MAN2C1: variants seen among roughly 807,000 people sequenced by gnomAD.
MAN2C1 encodes the protein mannosidase alpha class 2C member 1.
A neutral mutation model predicts 126.9 loss-of-function variants in MAN2C1; 111 were observed. That is an observed-to-expected ratio of 0.87 (90% CI 0.75 to 1.02). The LOEUF (loss-of-function observed/expected upper bound fraction) is 1.02. Among genes scored for constraint, MAN2C1 ranks in the 50% least tolerant of loss-of-function variants. MAN2C1 has a pLI of 0.00. For synonymous variants in MAN2C1, 567 were observed against 561.5 expected (o/e 1.01, Z -0.14); for missense variants, 1,363 against 1,364.4 (o/e 1.00, Z 0.02).
In MAN2C1 at chr15:75,360,085, C is replaced by G; in HGVS notation, c.1706+5G>C. 1 of 1,613,984 alleles carries G rather than the reference C, an allele frequency of 6.2e-7. No homozygotes were observed. Among genetic ancestry groups the G allele is most frequent in the Non-Finnish European group, 8.5e-7 (1 of 1,180,004 alleles). ...GGTGGATGGCAGGGACAGAACTGGG[C>G]TGACCTCCAGAGGTGCTGCAGCTGG... On this transcript the variant is annotated splice_donor_5th_base_variant and intron_variant, in intron 14 of 25. Transcript: ENST00000267978.
chr15:75,362,691 G>A lies in MAN2C1; in HGVS notation c.848C>T (p.Ala283Val), dbSNP rs753112818. ...AGGGTTCCGCTCCATGAGCTGCAGG[G>A]CGGTCACCCAGCTCCGGGCACATTT... ...VRKCARSWVTALQLMERNPEF... is the reference protein window; with the variant it reads ...VRKCARSWVTVLQLMERNPEF... Residue 283 changes from alanine (A) to valine (V), a missense_variant, in exon 7 of 26, where the codon GCC (alanine) becomes GTC (valine). Physicochemically the swap from Ala to Val is moderately conservative, Grantham distance 64. Around this residue, in one of 3 missense-constraint regions of MAN2C1, gnomAD observed 628 missense variants for 609.8 expected, o/e 1.03. Transcript: ENST00000267978. This position sits in a 1 kb window ranked among gnomAD's most constrained non-coding sequence, Gnocchi z 4.5. The A allele has an allele frequency of 7.4e-6, 12 of 1,614,028 alleles. No individual in the cohort carries two copies. The highest frequency in any genetic ancestry group is 2.5e-6 in the Non-Finnish European group (3 of 1,180,016).
rs934388260 is a variant in MAN2C1 at position 75,358,137 on chromosome 15, CCA to C, written c.2547+62_2547+63del. 6 of 1,587,450 alleles carry C rather than the reference CCA, an allele frequency of 3.8e-6. No individual in the cohort carries two copies. The African/African-American group carries it at 8.1e-5, about 21-fold the overall frequency. ...TTATCCTCTTCCTCCCCAGCCTGTT[CCA>C]CACAAGCAGTCTCCCCAGCCAGGGA... On this transcript the variant is annotated intron_variant, in intron 21 of 25. Coordinates refer to ENST00000267978, the MANE Select transcript of MAN2C1 (RefSeq NM_006715.4).
In MAN2C1 at chr15:75,363,939, C is replaced by T. The variant is rs913927900; in HGVS notation, c.790+60G>A. On this transcript the variant is annotated intron_variant, in intron 6 of 25. Transcript: ENST00000267978. ...AGCATCACACAGTGCTTCTAGGGCA[C>T]ATCCAGGTCTTCAAGGGCACTCCTG... is the stretch of plus-strand genomic sequence containing the variant. The T allele has an allele frequency of 2.5e-6, 4 of 1,575,218 alleles. No homozygotes were observed. In the African/African-American group the frequency reaches 5.4e-5, roughly 21 times the overall value.
At chr15:75,365,141 T>C (rs1162574351) in intron 4 of MAN2C1, among the ~76,000 whole-genome samples, 2 of 152,196 alleles carry the variant, frequency 1.3e-5, no homozygotes, top group Non-Finnish European at 2.9e-5. Flanking sequence ...AGGGAGGCCT[T>C]CCTGACTCCA....
intron 4 of MAN2C1, among the ~76,000 whole-genome samples, chr15:75,364,936 T>C (rs1181041591): frequency 6.6e-6 from 1 of 152,236 alleles, no homozygotes; most frequent in East Asian, 1.9e-4. Flanking sequence ...ATTTCCAAAG[T>C]TGTCTTTGCA....
In MAN2C1 at chr15:75,364,183, G is replaced by A. The variant is rs775177389; in HGVS notation, c.606C>T (p.Leu202=). 104 of 1,609,426 alleles carry A rather than the reference G, an allele frequency of 6.5e-5. 1 individual carries two copies. The highest frequency in any genetic ancestry group is 2.1e-4 in the South Asian group (19 of 90,910). The change falls in exon 6 of 26, where the codon CTC becomes CTT. Residue 202 remains leucine, a synonymous_variant. Transcript: ENST00000267978. ...GGAAGCTGCGCTGGTTGTCCTTCCC[G>A]AGGCCCTGCAGCAGGGTTCTGCCCC... ...LELLLGIAKG[L]GKDNQRSFQA...
In MAN2C1 at chr15:75,358,271, T is replaced by C. The variant is rs376142400; in HGVS notation, c.2477A>G (p.Tyr826Cys). The C allele has an allele frequency of 1.1e-5, 18 of 1,614,032 alleles. No homozygotes were observed. Among genetic ancestry groups the C allele is most frequent in the Admixed American group, 1.0e-4 (6 of 59,992 alleles). Residue 826 changes from tyrosine (Y) to cysteine (C), a missense_variant, in exon 21 of 26, where the codon TAT becomes TGT. By Grantham distance (194) the Tyr-to-Cys change is radical. Coordinates refer to ENST00000267978, the MANE Select transcript of MAN2C1 (RefSeq NM_006715.4). ...CTGCAGGTGCCCAAACTGGATCTCATAGGTGGCCTGGGAACTCCGCACGCG... is the reference window on the plus strand; with the variant it reads ...CTGCAGGTGCCCAAACTGGATCTCACAGGTGGCCTGGGAACTCCGCACGCG... ...PARVRSSQAT[Y>C]EIQFGHLQRP...
At chr15:75,367,874 C>T in intron 2 of MAN2C1, 199 bp downstream of exon 2, 2 of 898,910 alleles carry the variant, frequency 2.2e-6, no homozygotes, top group Admixed American at 2.9e-5. Flanking sequence ...GAGGCGGCCA[C>T]GTGGGAATGA....
rs1595876744 is a variant in MAN2C1, at chr15:75,360,767, C to T, written c.1461-79G>A. 15 of 1,558,290 alleles carry T rather than the reference C, an allele frequency of 9.6e-6. No individual in the cohort carries two copies. The East Asian group carries it at 1.3e-4, about 14-fold the overall frequency. ...CTTCTTCCACACCAAAGCAAAGGATCCAGCTCCTACAGAGAGGAGCCACTC... is the reference window on the plus strand; with the variant it reads ...CTTCTTCCACACCAAAGCAAAGGATTCAGCTCCTACAGAGAGGAGCCACTC... On this transcript the variant is annotated intron_variant, in intron 12 of 25. Transcript: ENST00000267978.
Position 75,358,342 on chromosome 15 carries a change from T to C in MAN2C1, c.2406A>G (p.Val802=), listed in dbSNP as rs377537571. 4 of 1,613,974 alleles carry C rather than the reference T, an allele frequency of 2.5e-6. No homozygotes were observed. In the African/African-American group the frequency reaches 5.3e-5, roughly 22 times the overall value. The change falls in exon 21 of 26, where the codon GTA becomes GTG. Residue 802 remains valine (V), a splice_region_variant and synonymous_variant. Transcript: ENST00000267978. ...GCPYVRFHTE[V]HWHEAHKFLK... is the part of the protein sequence containing the mutation. ...GGAACTTGTGGGCCTCATGCCAGTG[T>C]ACCTGGGAGTGGGAAGGAGGGTGGG...
rs2072382363 is a variant in MAN2C1, at chr15:75,358,328, G to A, written c.2420C>T (p.Ala807Val). Reference sequence around the variant, plus strand: ...GAACTCCACCTTCAGGAACTTGTGGGCCTCATGCCAGTGTACCTGGGAGTG... The same window carrying A: ...GAACTCCACCTTCAGGAACTTGTGGACCTCATGCCAGTGTACCTGGGAGTG... ...RFHTEVHWHE[A>V]HKFLKVEFPA... Residue 807 changes from alanine (A) to valine (V), a missense_variant, in exon 21 of 26, where the codon GCC becomes GTC. By Grantham distance (64) the Ala-to-Val change is moderately conservative. Coordinates refer to ENST00000267978, the MANE Select transcript of MAN2C1 (RefSeq NM_006715.4). 6.2e-7 allele frequency: 1 copy of A among 1,614,180 alleles called. No homozygotes were observed. Among genetic ancestry groups the A allele is most frequent in the Non-Finnish European group, 8.5e-7 (1 of 1,180,046 alleles).
chr15:75,362,510 G>T lies in MAN2C1; in HGVS notation c.898-57C>A. Reference sequence around the variant, plus strand: ...AGTGACAAGGGCCCCACCCAGGACTGAGCATATGGGACTCAGTGTGTGGCT... The same window carrying T: ...AGTGACAAGGGCCCCACCCAGGACTTAGCATATGGGACTCAGTGTGTGGCT... On this transcript the variant is annotated intron_variant, in intron 7 of 25. Transcript: ENST00000267978. The surrounding 1 kb of genome is among the most constrained non-coding windows in gnomAD (Gnocchi z 4.5). 1 of 1,533,612 alleles carries T rather than the reference G, an allele frequency of 6.5e-7. No individual in the cohort carries two copies. Among genetic ancestry groups the T allele is most frequent in the South Asian group, 1.2e-5 (1 of 86,138 alleles).
intron 1 of MAN2C1, 64 bp from the exon 2 acceptor site, chr15:75,368,262 G>A (rs1329743071): frequency 6.5e-7 from 1 of 1,532,668 alleles, no homozygotes; most frequent in Admixed American, 2.0e-5. Flanking sequence ...GGGGCCAGCT[G>A]GCCGGTGGGG....
In MAN2C1 at chr15:75,368,060, G is replaced by A; in HGVS notation, c.227+13C>T. On this transcript the variant is annotated intron_variant, in intron 2 of 25. Transcript: ENST00000267978. ...AGGCCTGTGGCCCCGCCCACCCGCT[G>A]GGCGTTACCTACGTGGGTCCGAAGC... 1 of 1,600,436 alleles carries A rather than the reference G, an allele frequency of 6.2e-7. No homozygotes were observed. Among genetic ancestry groups the A allele is most frequent in the Non-Finnish European group, 8.5e-7 (1 of 1,175,218 alleles).
chr15:75,368,164 A>G lies in MAN2C1; in HGVS notation c.136T>C (p.Ser46Pro). 2 of 1,604,674 alleles carry G rather than the reference A, an allele frequency of 1.2e-6. No homozygotes were observed. The highest frequency in any genetic ancestry group is 1.7e-6 in the Non-Finnish European group (2 of 1,177,218). Reference sequence around the variant, plus strand: ...AGTCTCTCCGGCGTCAGGAAGCTGGAGAGCACAGCCACAGGGCAGCTGGCC... The same window carrying G: ...AGTCTCTCCGGCGTCAGGAAGCTGGGGAGCACAGCCACAGGGCAGCTGGCC... ...FGASCPVAVL[S>P]SFLTPERLPY... The change falls in exon 2 of 26, where the codon TCC becomes CCC. Residue 46 changes from serine (S) to proline (P), a missense_variant. Around this residue, in one of 3 missense-constraint regions of MAN2C1, gnomAD observed 628 missense variants for 609.8 expected, o/e 1.03. Transcript: ENST00000267978.
intron 13 of MAN2C1, 78 bp from the exon 14 acceptor site, chr15:75,360,289 G>A: frequency 1.3e-5 from 20 of 1,572,136 alleles, no homozygotes; most frequent in Non-Finnish European, 1.5e-5. Flanking sequence ...CCCTTGCTCA[G>A]AATCCCTGAG....
rs772044607 is a variant in MAN2C1 at position 75,356,269 on chromosome 15, G to A, written c.2886+32C>T. The A allele has an allele frequency of 1.9e-6, 3 of 1,612,008 alleles. No homozygotes were observed. In the East Asian group the frequency reaches 6.7e-5, roughly 36 times the overall value. On this transcript the variant is annotated intron_variant, in intron 24 of 25. Transcript: ENST00000267978. The surrounding 1 kb of genome is among the most constrained non-coding windows in gnomAD (Gnocchi z 5.8). Reference sequence around the variant, plus strand: ...AGGGGCCGAGGGCAGGCCCAGTTCGGAACCCCGTCCCCAGCACGTCCCACC... The same window carrying A: ...AGGGGCCGAGGGCAGGCCCAGTTCGAAACCCCGTCCCCAGCACGTCCCACC...
chr15:75,364,258 A>C, intron 5 of MAN2C1, 70 bp from the exon 6 acceptor site: 18 of 1,484,646 alleles, frequency 1.2e-5, no homozygotes, highest in Non-Finnish European at 1.6e-5. Context: ...CACTGATCTC[A>C]GGGCTCTCAG....
rs976816461 is a variant in MAN2C1 at position 75,359,173 on chromosome 15, G to A, written c.2047-20C>T. On this transcript the variant is annotated intron_variant, in intron 17 of 25. Transcript: ENST00000267978. ...ATCAGTCTTTGTGGGAGGAGGCCTT[G>A]AGGCTGAGTCTGTAGGGGCTTCCCA... is the stretch of plus-strand genomic sequence containing the variant. 1.9e-6 allele frequency: 3 copies of A among 1,613,558 alleles called. No individual in the cohort carries two copies. The highest frequency in any genetic ancestry group is 2.5e-6 in the Non-Finnish European group (3 of 1,180,026).
Sources: gnomAD v4.1 joint callset for allele counts (sites outside exome capture counted in the v4.1 genomes callset) on GRCh38, gnomAD v4.1.1 for gene constraint, gnomAD v4.1.1 regional missense constraint, Gnocchi (gnomAD v3.1) non-coding constraint, MANE v1.5 for transcripts, NCBI Gene and HGNC (gene_info 2026-07-23, HGNC 2026-07-21) for gene names.